CDC42BPA: variants seen among roughly 807,000 people sequenced by gnomAD.
CDC42BPA encodes the protein CDC42 binding protein kinase alpha, also known as serine/threonine-protein kinase MRCK alpha.
A neutral mutation model predicts 223.5 loss-of-function variants in CDC42BPA; 80 were observed. The observed-to-expected ratio is 0.36, with a 90% CI of 0.30 to 0.43. The LOEUF is 0.43. Ranked by LOEUF, CDC42BPA falls within the 20% of genes least tolerant of loss-of-function variation. The pLI is 1.00. For missense variants in CDC42BPA, 1,743 were observed against 2,099.9 expected (o/e 0.83, Z 3.32); for synonymous variants, 694 against 718.6 (o/e 0.97, Z 0.55).
intron 21 of CDC42BPA, among the ~76,000 whole-genome samples, chr1:227,060,767 A>C (rs1377285427): frequency 1.6e-5 from 2 of 122,242 alleles, no homozygotes; most frequent in African/African-American, 6.5e-5. Context: ...TCTGTCACCC[A>C]GGTGGATGCA....
intron 21 of CDC42BPA, among the ~76,000 whole-genome samples, chr1:227,056,292 T>C (rs1309899486): frequency 1.3e-5 from 2 of 152,196 alleles, no homozygotes. Context: ...GGATTATATA[T>C]GGTCAACCTA....
At chr1:227,219,950 A>T (rs183057608) in intron 2 of CDC42BPA, among the ~76,000 whole-genome samples, 28 of 152,290 alleles carry the variant, frequency 1.8e-4, no homozygotes, top group African/African-American at 6.5e-4. Flanking sequence ...CAGTACACAC[A>T]TACAGCAAGA....
intron 32 of CDC42BPA, 91 bp from the exon 33 acceptor site, chr1:227,017,141 ATAGTAC>A (rs1666443510): frequency 5.1e-6 from 6 of 1,168,880 alleles, no homozygotes; most frequent in Non-Finnish European, 7.2e-6. Context: ...ACAAACATTG[ATAGTAC>A]AAGTACATGC....
intron 32 of CDC42BPA, among the ~76,000 whole-genome samples, chr1:227,022,581 G>A (rs558184735): frequency 1.3e-5 from 2 of 152,252 alleles, no homozygotes; most frequent in Non-Finnish European, 2.9e-5. Context: ...ATATAGAAGA[G>A]GGCACTATAA....
At chr1:227,291,022 C>T (rs1295194844) in intron 1 of CDC42BPA, among the ~76,000 whole-genome samples, 1 of 152,174 alleles carries the variant, frequency 6.6e-6, no homozygotes, top group Non-Finnish European at 1.5e-5. Context: ...GATCACTGCA[C>T]TTCCCATACA....
At chr1:227,310,756 G>A (rs1204967955) in intron 1 of CDC42BPA, among the ~76,000 whole-genome samples, 2 of 144,966 alleles carry the variant, frequency 1.4e-5, no homozygotes, top group African/African-American at 5.3e-5. Context: ...GCGCGATCTC[G>A]GCTCACTGCA....
chr1:227,205,268 C>CAAAAAAAAA (rs1158919272), intron 3 of CDC42BPA, among the ~76,000 whole-genome samples: 3 of 110,226 alleles, frequency 2.7e-5, no homozygotes, highest in African/African-American at 7.5e-5. Flanking sequence ...GACTCTGTCT[C>CAAAAAAAAA]AAAAAAAAAA....
At chr1:227,249,107 A>G (rs1681513163) in intron 2 of CDC42BPA, among the ~76,000 whole-genome samples, 1 of 152,152 alleles carries the variant, frequency 6.6e-6, no homozygotes, top group African/African-American at 2.4e-5. Context: ...AATGAAACAG[A>G]ATAAAGAACC....
chr1:227,083,378 G>A (rs1395668663), intron 16 of CDC42BPA, among the ~76,000 whole-genome samples: 1 of 151,836 alleles, frequency 6.6e-6, no homozygotes, highest in Non-Finnish European at 1.5e-5. Context: ...TTTTGCTCCT[G>A]GAAATTCTAT....
chr1:227,089,466 G>A (rs921643796), intron 16 of CDC42BPA, among the ~76,000 whole-genome samples: 1 of 152,124 alleles, frequency 6.6e-6, no homozygotes, highest in African/African-American at 2.4e-5. Context: ...CAGAGCAGAG[G>A]TTCAAATGGA....
chr1:227,291,276 C>T (rs982541681), intron 1 of CDC42BPA, among the ~76,000 whole-genome samples: 28 of 152,024 alleles, frequency 1.8e-4, no homozygotes, highest in Non-Finnish European at 3.7e-4. Flanking sequence ...AGGCTGGGCG[C>T]GGTGGCTCAT....
chr1:227,121,679 T>C (rs1688686583), intron 11 of CDC42BPA, among the ~76,000 whole-genome samples: 2 of 152,198 alleles, frequency 1.3e-5, no homozygotes, highest in African/African-American at 4.8e-5. Flanking sequence ...TTTTATCACT[T>C]TATCAAATTT....
chr1:227,133,337 G>A (rs1657732421), intron 10 of CDC42BPA, among the ~76,000 whole-genome samples: 1 of 151,376 alleles, frequency 6.6e-6, no homozygotes, highest in East Asian at 2.0e-4. Context: ...CCGGGAGGAG[G>A]TGGGGGCGGA....
At chr1:227,184,362 T>G (rs1169076203) in intron 5 of CDC42BPA, among the ~76,000 whole-genome samples, 1 of 151,754 alleles carries the variant, frequency 6.6e-6, no homozygotes, top group Non-Finnish European at 1.5e-5. Flanking sequence ...ATTTTTGTAT[T>G]TATGAGAGCT....
At chr1:227,273,710 T>G (rs1005658491) in intron 1 of CDC42BPA, among the ~76,000 whole-genome samples, 14 of 151,720 alleles carry the variant, frequency 9.2e-5, no homozygotes, top group Non-Finnish European at 1.2e-4. Flanking sequence ...CTGAGACAGG[T>G]AGCACATGTG....
intron 3 of CDC42BPA, among the ~76,000 whole-genome samples, chr1:227,205,947 C>T (rs2150293352): frequency 6.6e-6 from 1 of 152,210 alleles, no homozygotes; most frequent in Non-Finnish European, 1.5e-5. Flanking sequence ...TACTCCCAGG[C>T]TAAGGTGGGA....
chr1:227,308,397 C>A (rs1692922420), intron 1 of CDC42BPA, among the ~76,000 whole-genome samples: 1 of 151,610 alleles, frequency 6.6e-6, no homozygotes, highest in African/African-American at 2.4e-5. Flanking sequence ...GTAGTCCCAG[C>A]TCCTTGGGAG....
intron 1 of CDC42BPA, among the ~76,000 whole-genome samples, chr1:227,263,467 G>A (rs1270119818): frequency 1.3e-5 from 2 of 152,084 alleles, no homozygotes; most frequent in East Asian, 1.9e-4. Context: ...GTCATGATCA[G>A]GGAAAATGAT....
intron 35 of CDC42BPA, among the ~76,000 whole-genome samples, chr1:226,996,882 C>T (rs1372643341): frequency 6.6e-6 from 1 of 152,204 alleles, no homozygotes; most frequent in African/African-American, 2.4e-5. Context: ...AGGATTTTCG[C>T]ATCAATGTTC....
Sources: gnomAD v4.1 joint callset for allele counts (sites outside exome capture counted in the v4.1 genomes callset) on GRCh38, gnomAD v4.1.1 for gene constraint, MANE v1.5 for transcripts, NCBI Gene and HGNC (gene_info 2026-07-23, HGNC 2026-07-21) for gene names.